The following MIPEP variants were observed in gnomAD, a reference collection of about 807,000 sequenced individuals.
MIPEP encodes the protein mitochondrial intermediate peptidase.
Under a neutral mutation model 90.3 loss-of-function variants are expected in MIPEP, and 79 were observed. The observed-to-expected ratio is 0.87, with a 90% CI of 0.73 to 1.05. MIPEP has a LOEUF of 1.05. Ranked by LOEUF, MIPEP falls within the 50% of genes least tolerant of loss-of-function variation. The pLI is 0.00. For synonymous variants in MIPEP, 334 were observed against 315.8 expected (o/e 1.06, Z -0.61); for missense variants, 940 against 905.6 (o/e 1.04, Z -0.49).
intron 18 of MIPEP, among the ~76,000 whole-genome samples, chr13:23,733,903 G>A (rs573209543): frequency 1.9e-4 from 29 of 152,288 alleles, no homozygotes; most frequent in Admixed American, 1.0e-3. Context: ...AAAACACAGT[G>A]TTCTTTTTTA....
At chr13:23,807,441 A>G (rs1447813368) in intron 15 of MIPEP, among the ~76,000 whole-genome samples, 2 of 152,166 alleles carry the variant, frequency 1.3e-5, no homozygotes, top group Non-Finnish European at 2.9e-5. Flanking sequence ...AGAAGTGAGG[A>G]TTAGTTTGGT....
intron 10 of MIPEP, among the ~76,000 whole-genome samples, chr13:23,844,169 C>T (rs1259439125): frequency 2.3e-4 from 4 of 17,392 alleles, no homozygotes; most frequent in African/African-American, 3.0e-4. Context: ...TAGGGAAGGG[C>T]GATGCGGGCA....
rs529724668 is a variant in MIPEP, at chr13:23,889,306, T to C, written c.15A>G (p.Gly5=). Residue 5 remains glycine, a synonymous_variant, in exon 1 of 19, where the codon GGA becomes GGG. Transcript: ENST00000382172. The part of the protein sequence containing the change: MLCV[G]RLGGLGARAA... ...CTCTGGCTCCCAAGCCGCCCAGCCTTCCGACGCACAGCATTCTAGCACCAG... is the reference window on the plus strand; with the variant it reads ...CTCTGGCTCCCAAGCCGCCCAGCCTCCCGACGCACAGCATTCTAGCACCAG... 4.4e-6 allele frequency: 6 copies of C among 1,349,662 alleles called. No individual in the cohort carries two copies. The African/African-American group carries it at 4.6e-5, about 10-fold the overall frequency. 83.6% of individuals were successfully genotyped at this position (1,349,662 alleles called of 1,614,324 possible). A position where few individuals can be genotyped will look rare whatever the true frequency, so the allele number is the denominator to read the frequency against.
At chr13:23,845,561 T>G (rs138175999) in intron 10 of MIPEP, among the ~76,000 whole-genome samples, 1 of 152,238 alleles carries the variant, frequency 6.6e-6, no homozygotes, top group Non-Finnish European at 1.5e-5. Context: ...TGTTAGTTTA[T>G]CTGTTAAAGT....
intron 16 of MIPEP, among the ~76,000 whole-genome samples, chr13:23,764,759 C>T (rs1430908296): frequency 6.6e-6 from 1 of 152,116 alleles, no homozygotes; most frequent in Non-Finnish European, 1.5e-5. Context: ...ATGAGGGTCT[C>T]TCTCTGTTTC....
chr13:23,778,852 G>A (rs9551006), intron 16 of MIPEP, among the ~76,000 whole-genome samples: 31,762 of 151,928 alleles, frequency 0.21, 3,949 homozygotes, highest in East Asian at 0.43. Context: ...AAGATCTCAC[G>A]CCTAGCTCAC....
chr13:23,869,153 T>C (rs1262591474), intron 7 of MIPEP, 139 bp downstream of exon 7: 2 of 769,260 alleles, frequency 2.6e-6, no homozygotes, highest in South Asian at 7.7e-5. Context: ...ATGGTTCCTA[T>C]AAAAATACAT....
chr13:23,875,036 A>ACACACACACC, intron 4 of MIPEP, 127 bp from the exon 5 acceptor site: 1 of 487,070 alleles, frequency 2.1e-6, no homozygotes, highest in South Asian at 3.8e-5. Flanking sequence ...AAACACACAC[A>ACACACACACC]CACACACACA....
At position 23,889,165 on chromosome 13, in the gene MIPEP, C is replaced by G; in HGVS notation, c.156G>C (p.Gln52His). 6.8e-7 allele frequency: 1 copy of G among 1,466,908 alleles called. No individual in the cohort carries two copies. Among genetic ancestry groups the G allele is most frequent in the Non-Finnish European group, 9.0e-7 (1 of 1,110,862 alleles). The allele number at this position is 1,466,908 out of a possible 1,614,324, so 90.9% of individuals were successfully genotyped here. A position where few individuals can be genotyped will look rare whatever the true frequency, so the allele number is the denominator to read the frequency against. ...CGCCGAACAGGTCCAAGCGGCTGCC[C>G]TGGGGCTTGACATTGAAGGCGGCGC... Reference protein sequence around the residue: ...PVGAAFNVKPQGSRLDLFGER... With the variant: ...PVGAAFNVKPHGSRLDLFGER... Residue 52 changes from glutamine (Q) to histidine (H), a missense_variant, in exon 1 of 19, where the codon CAG becomes CAC. By Grantham distance (24) the Gln-to-His change is conservative. Transcript: ENST00000382172.
At chr13:23,787,219 C>T (rs1952852326) in intron 16 of MIPEP, among the ~76,000 whole-genome samples, 1 of 152,160 alleles carries the variant, frequency 6.6e-6, no homozygotes, top group Non-Finnish European at 1.5e-5. Flanking sequence ...ATACCATAGA[C>T]TGGGTGGCTT....
At chr13:23,748,490 G>C (rs1248766374) in intron 18 of MIPEP, among the ~76,000 whole-genome samples, 1 of 152,140 alleles carries the variant, frequency 6.6e-6, no homozygotes, top group Admixed American at 6.5e-5. Context: ...GCAGAGTAAG[G>C]GGGTAGAGAA....
chr13:23,751,106 G>T (rs1952435932), intron 18 of MIPEP, among the ~76,000 whole-genome samples: 2 of 152,186 alleles, frequency 1.3e-5, no homozygotes, highest in African/African-American at 4.8e-5. Context: ...CTGGAACTGA[G>T]AACTGTTTTT....
chr13:23,862,621 C>G (rs9510909), intron 8 of MIPEP, among the ~76,000 whole-genome samples: 1 of 151,862 alleles, frequency 6.6e-6, no homozygotes, highest in Non-Finnish European at 1.5e-5. Context: ...CTTGGAAAAA[C>G]TAGCAATGTC....
At chr13:23,820,550 A>T (rs995761328) in intron 14 of MIPEP, among the ~76,000 whole-genome samples, 5 of 152,240 alleles carry the variant, frequency 3.3e-5, no homozygotes, top group Non-Finnish European at 7.3e-5. Flanking sequence ...TTATAAATAA[A>T]ACATCGTAAA....
At chr13:23,753,872 G>C (rs929617003) in intron 18 of MIPEP, among the ~76,000 whole-genome samples, 4 of 152,116 alleles carry the variant, frequency 2.6e-5, no homozygotes, top group African/African-American at 4.8e-5. Context: ...CTCTGAATTT[G>C]TATCATTCAA....
intron 10 of MIPEP, among the ~76,000 whole-genome samples, chr13:23,845,669 T>TTTTGATCTTG (rs1467681552): frequency 6.6e-6 from 1 of 152,172 alleles, no homozygotes; most frequent in Non-Finnish European, 1.5e-5. Context: ...GATCTTAAGT[T>TTTTGATCTTG]TTTTGATATG....
chr13:23,862,454 C>A, intron 8 of MIPEP, 92 bp from the exon 9 acceptor site: 1 of 724,524 alleles, frequency 1.4e-6, no homozygotes, highest in Non-Finnish European at 2.4e-6. Flanking sequence ...TTCCAATATT[C>A]ATAAGATTAG....
rs145512106 is a variant in MIPEP, at chr13:23,837,631, G to A, written c.1464C>T (p.Ser488=). The A allele has an allele frequency of 5.3e-5, 85 of 1,613,762 alleles. No individual in the cohort carries two copies. Among genetic ancestry groups the A allele is most frequent in the Non-Finnish European group, 6.7e-5 (79 of 1,179,764 alleles). ...SRSSPTLLTP[S]MMENLFHEMG... The stretch of plus-strand genomic sequence containing the variant: ...TTTCATGGAAAAGATTTTCCATCAT[G>A]CTAGGAGTTAGCAAAGTTGGAGAAC... The change falls in exon 13 of 19, where the codon AGC becomes AGT. Residue 488 remains serine, a synonymous_variant. Coordinates refer to ENST00000382172, the MANE Select transcript of MIPEP (RefSeq NM_005932.4).
chr13:23,797,599 C>T (rs771074790), intron 16 of MIPEP, among the ~76,000 whole-genome samples: 3 of 152,212 alleles, frequency 2.0e-5, no homozygotes, highest in Non-Finnish European at 4.4e-5. Context: ...AAGCACTCCT[C>T]TATTCTGCCT....
Sources: allele counts gnomAD v4.1 joint callset (sites outside exome capture counted in the v4.1 genomes callset), GRCh38; gene constraint gnomAD v4.1.1; transcripts MANE v1.5; gene names NCBI Gene and HGNC (gene_info 2026-07-23, HGNC 2026-07-21).